RBFOX1: variants seen among roughly 807,000 people sequenced by gnomAD.
RBFOX1 encodes RNA binding protein fox-1 homolog 1.
A neutral mutation model predicts 57.7 loss-of-function variants in RBFOX1; 8 were observed. The observed-to-expected ratio is 0.14, with a 90% CI of 0.08 to 0.25. The LOEUF (loss-of-function observed/expected upper bound fraction) is 0.25. RBFOX1 is among the 10% of genes least tolerant of loss of function. The pLI, the probability that RBFOX1 is intolerant of heterozygous loss-of-function variation, is 1.00. For synonymous variants in RBFOX1, 326 were observed against 222.4 expected (o/e 1.47, Z -4.15); for missense variants, 611 against 548.5 (o/e 1.11, Z -1.14).
intron 1 of RBFOX1, among the ~76,000 whole-genome samples, chr16:5,278,054 G>T (rs1309722059): frequency 1.3e-5 from 2 of 152,072 alleles, no homozygotes; most frequent in South Asian, 4.1e-4. Flanking sequence ...TGGTAGATCT[G>T]TTCTTAGTTT....
chr16:5,601,874 C>G (rs1024264913), downstream of RBFOX1, among the ~76,000 whole-genome samples: 14 of 152,186 alleles, frequency 9.2e-5, no homozygotes, highest in African/African-American at 3.4e-4. Flanking sequence ...CCTATGCCTG[C>G]TAGATTTTTA....
chr16:6,968,540 AGAAGAG>A (rs1423888777), intron 3 of RBFOX1, among the ~76,000 whole-genome samples: 1 of 152,150 alleles, frequency 6.6e-6, no homozygotes, highest in Non-Finnish European at 1.5e-5. Flanking sequence ...TTAAAGATTT[AGAAGAG>A]GAAGTCTGGC....
At chr16:5,917,853 T>A (rs1335829245) in intron 4 of RBFOX1, among the ~76,000 whole-genome samples, 1 of 152,084 alleles carries the variant, frequency 6.6e-6, no homozygotes, top group East Asian at 1.9e-4. Context: ...CATTGCAGGG[T>A]CTAGCCCCTG....
At chr16:6,989,232 T>G (rs1743675321) in intron 3 of RBFOX1, among the ~76,000 whole-genome samples, 2 of 152,134 alleles carry the variant, frequency 1.3e-5, no homozygotes, top group Non-Finnish European at 2.9e-5. Context: ...TTAGAAAAAT[T>G]TTAATTGCAT....
intron 5 of RBFOX1, among the ~76,000 whole-genome samples, chr16:7,538,746 C>A (rs762222580): frequency 4.4e-4 from 67 of 152,222 alleles, no homozygotes; most frequent in Non-Finnish European, 7.4e-4. Context: ...CTGTAGAGAT[C>A]AGCTTGGTAC....
intron 2 of RBFOX1, among the ~76,000 whole-genome samples, chr16:6,497,136 T>C (rs139820514): frequency 1.3e-5 from 2 of 152,238 alleles, no homozygotes; most frequent in East Asian, 1.9e-4. Context: ...TAACCAAATA[T>C]TACATTGCTA....
intron 3 of RBFOX1, among the ~76,000 whole-genome samples, chr16:5,761,276 A>T (rs911743847): frequency 1.3e-5 from 2 of 152,180 alleles, no homozygotes; most frequent in Non-Finnish European, 2.9e-5. Context: ...AGGTGGGATC[A>T]CCTTCAGAAT....
At chr16:6,931,931 A>G (rs984090935) in intron 3 of RBFOX1, among the ~76,000 whole-genome samples, 1 of 152,164 alleles carries the variant, frequency 6.6e-6, no homozygotes, top group Non-Finnish European at 1.5e-5. Flanking sequence ...AGTAAGCAAG[A>G]GAACCAGGGG....
intron 3 of RBFOX1, among the ~76,000 whole-genome samples, chr16:5,608,223 C>T (rs1486328019): frequency 1.3e-5 from 2 of 152,168 alleles, no homozygotes; most frequent in Non-Finnish European, 2.9e-5. Flanking sequence ...GTTGTTGTTA[C>T]CCTCACTTCA....
intron 3 of RBFOX1, among the ~76,000 whole-genome samples, chr16:5,729,841 T>A (rs1429332030): frequency 2.0e-5 from 3 of 152,200 alleles, no homozygotes. Context: ...AAAGGAGGAA[T>A]GCCAGACCCT....
At chr16:5,561,690 C>T (rs2045896591) in intron 2 of RBFOX1, among the ~76,000 whole-genome samples, 1 of 152,094 alleles carries the variant, frequency 6.6e-6, no homozygotes, top group Non-Finnish European at 1.5e-5. Context: ...CCTAGGGATT[C>T]TTTTAATTAT....
intron 3 of RBFOX1, among the ~76,000 whole-genome samples, chr16:6,867,868 C>A (rs927033628): frequency 1.3e-5 from 2 of 152,136 alleles, no homozygotes; most frequent in African/African-American, 4.8e-5. Flanking sequence ...GTCCCAGTTT[C>A]AACGATGTAT....
chr16:5,807,675 C>T (rs1014598292), intron 3 of RBFOX1, among the ~76,000 whole-genome samples: 5 of 152,282 alleles, frequency 3.3e-5, no homozygotes, highest in African/African-American at 1.2e-4. Context: ...GTCCTGGCTT[C>T]TGAGAGAGAG....
intron 12 of RBFOX1, among the ~76,000 whole-genome samples, chr16:7,654,766 A>C (rs148431614): frequency 7.8e-4 from 119 of 152,330 alleles, no homozygotes; most frequent in African/African-American, 2.7e-3. Flanking sequence ...CCTCCAAGGC[A>C]GTGGCCCTAG....
At chr16:6,000,435 A>C (rs1238380509) in intron 4 of RBFOX1, among the ~76,000 whole-genome samples, 1 of 152,128 alleles carries the variant, frequency 6.6e-6, no homozygotes, top group Non-Finnish European at 1.5e-5. Flanking sequence ...TCCTTTGAGG[A>C]AAGGGGCAGG....
intron 3 of RBFOX1, among the ~76,000 whole-genome samples, chr16:6,823,320 G>C (rs1012044892): frequency 2.6e-5 from 4 of 151,382 alleles, no homozygotes; most frequent in African/African-American, 9.7e-5. Context: ...GCAATGGCAT[G>C]ATCTTGACTC....
intron 3 of RBFOX1, among the ~76,000 whole-genome samples, chr16:6,840,769 C>T (rs911765309): frequency 1.3e-5 from 2 of 151,834 alleles, no homozygotes; most frequent in Non-Finnish European, 2.9e-5. Context: ...CACCTGTAGT[C>T]CCAGCTACTC....
intron 1 of RBFOX1, among the ~76,000 whole-genome samples, chr16:5,247,842 C>T (rs531127169): frequency 6.6e-6 from 1 of 152,146 alleles, no homozygotes; most frequent in African/African-American, 2.4e-5. Context: ...GTCCAGCCAC[C>T]CTTGAAATGT....
chr16:6,913,361 C>T lies in RBFOX1; in HGVS notation c.-15-138696C>T, dbSNP rs148689465. Among the ~76,000 whole-genome samples the T allele has an allele frequency of 6.2e-3, 946 of 152,160 alleles. 12 individuals carry two copies. Among genetic ancestry groups the T allele is most frequent in the African/African-American group, 0.021 (886 of 41,510 alleles). On this transcript the variant is annotated intron_variant, in intron 3 of 15. Transcript: ENST00000550418. ...GGTCCCATTTTAACCCCCTTATGAG[C>T]GTGTTAGCTCAGGCCAAGAGCAGCT...
Sources: allele counts gnomAD v4.1 joint callset (sites outside exome capture counted in the v4.1 genomes callset), GRCh38; gene constraint gnomAD v4.1.1; transcripts MANE v1.5; gene names NCBI Gene and HGNC (gene_info 2026-07-23, HGNC 2026-07-21).